Variants in ATL2 observed in about 807,000 individuals in gnomAD.
The protein encoded by ATL2 is atlastin-2.
In ATL2, 31 loss-of-function variants were observed where a neutral mutation model predicts 73.9. The observed-to-expected ratio is 0.42, with a 90% CI of 0.32 to 0.57. The LOEUF is 0.57. Among genes scored for constraint, ATL2 ranks in the 20% least tolerant of loss-of-function variants. The pLI, the probability that ATL2 is intolerant of heterozygous loss-of-function variation, is 0.14. For synonymous variants in ATL2, 291 were observed against 237.5 expected (o/e 1.23, Z -2.07); for missense variants, 738 against 702.6 (o/e 1.05, Z -0.57).
At chr2:38,352,263 G>A (rs1301643920) in intron 1 of ATL2, among the ~76,000 whole-genome samples, 3 of 151,866 alleles carry the variant, frequency 2.0e-5, no homozygotes, top group African/African-American at 7.3e-5. Flanking sequence ...GGGGAGGGAG[G>A]ATATTTGAGA....
At chr2:38,359,221 G>C (rs1670863745) in intron 1 of ATL2, among the ~76,000 whole-genome samples, 1 of 152,108 alleles carries the variant, frequency 6.6e-6, no homozygotes, top group African/African-American at 2.4e-5. Flanking sequence ...TGTAATCCTA[G>C]CACTTTGGGA....
intron 2 of ATL2, among the ~76,000 whole-genome samples, chr2:38,336,738 C>A (rs1442727913): frequency 6.6e-6 from 1 of 152,162 alleles, no homozygotes; most frequent in Non-Finnish European, 1.5e-5. Context: ...CTTCAACTAC[C>A]AAGTTGAAAT....
chr2:38,373,901 T>C (rs1306303660), intron 1 of ATL2, among the ~76,000 whole-genome samples: 1 of 152,194 alleles, frequency 6.6e-6, no homozygotes, highest in African/African-American at 2.4e-5. Flanking sequence ...GCTATCCTTT[T>C]TATGGGGGAG....
chr2:38,335,688 A>T (rs75333162), intron 2 of ATL2, among the ~76,000 whole-genome samples: 1,566 of 150,954 alleles, frequency 0.01, 22 homozygotes, highest in East Asian at 0.058. Flanking sequence ...TATATATATA[A>T]AAATGCACTG....
intron 2 of ATL2, among the ~76,000 whole-genome samples, chr2:38,325,906 T>TAAAAAAA (rs761254087): frequency 5.8e-5 from 3 of 52,026 alleles, no homozygotes; most frequent in African/African-American, 1.7e-4. Context: ...TTTGTTTGTT[T>TAAAAAAA]AAAAAAAAAA....
upstream of ATL2, among the ~76,000 whole-genome samples, chr2:38,377,691 C>G (rs1050918744): frequency 6.6e-6 from 1 of 152,170 alleles, no homozygotes; most frequent in Admixed American, 6.5e-5. Context: ...ATTCGTGCGT[C>G]CTGCACGTGA....
chr2:38,297,812 T>G (rs947209226), intron 12 of ATL2: 1 of 175,086 alleles, frequency 5.7e-6, no homozygotes, highest in African/African-American at 2.4e-5. Context: ...CTTCTTTTCC[T>G]TACCTTGAAA....
chr2:38,361,887 T>C (rs146498503), intron 1 of ATL2, among the ~76,000 whole-genome samples: 56 of 152,296 alleles, frequency 3.7e-4, no homozygotes, highest in African/African-American at 1.3e-3. Context: ...TTTTTAAAAA[T>C]TATTTAAGAT....
chr2:38,312,690 T>C (rs955139997), intron 7 of ATL2, among the ~76,000 whole-genome samples: 4 of 141,396 alleles, frequency 2.8e-5, no homozygotes, highest in South Asian at 2.2e-4. Context: ...GCCCAGGCAA[T>C]AGTGTGAGAC....
rs70954711 is a variant in ATL2, at chr2:38,329,423, C to CAAAA, written c.364-10408_364-10405dup. Among the ~76,000 whole-genome samples the CAAAA allele has an allele frequency of 1.4e-3, 19 of 13,672 alleles. 1 individual carries two copies. Among genetic ancestry groups the CAAAA allele is most frequent in the Non-Finnish European group, 2.0e-3 (13 of 6,412 alleles). 9.0% of individuals were successfully genotyped at this position (13,672 alleles called of 152,430 possible). A position where few individuals can be genotyped will look rare whatever the true frequency, so the allele number is the denominator to read the frequency against. On this transcript the variant is annotated intron_variant, in intron 2 of 12. Transcript: ENST00000378954. Reference sequence around the variant, plus strand: ...AGGAGACAGAGCAAGACTCCATCTCCAAAAAAAAAAAAAAAAAAAAAAAAA... The same window carrying CAAAA: ...AGGAGACAGAGCAAGACTCCATCTCCAAAAAAAAAAAAAAAAAAAAAAAAAAAAA...
At chr2:38,320,971 CT>C (rs1025949724) in intron 2 of ATL2, among the ~76,000 whole-genome samples, 1 of 150,004 alleles carries the variant, frequency 6.7e-6, no homozygotes, top group Non-Finnish European at 1.5e-5. Context: ...GTGAAACCCC[CT>C]CTCTACCAAA....
rs1046978101 is a variant in ATL2 at position 38,304,271 on chromosome 2, A to C, written c.1072-3943T>G. On this transcript the variant is annotated intron_variant, in intron 9 of 12. Transcript: ENST00000378954. ...TGACATAAAGTGCTGAAGAAAAAAA[A>C]CATTTTTCCTAGAATAGTATATCCA... Among the ~76,000 whole-genome samples, 4 of 152,260 alleles carry C rather than the reference A, an allele frequency of 2.6e-5. No homozygotes were observed. In the East Asian group the frequency reaches 5.8e-4, roughly 22 times the overall value.
At position 38,325,633 on chromosome 2, in the gene ATL2, CACACACACACACACACACACACACCAGT is replaced by C. The variant is rs1558411586; in HGVS notation, c.364-6642_364-6615del. ...CTACACACACACCAGTACATACACA[CACACACACACACACACACACACACCAGT>C]ACACACACACACACACACACACACA... On this transcript the variant is annotated intron_variant, in intron 2 of 12. Coordinates refer to ENST00000378954, the MANE Select transcript of ATL2 (RefSeq NM_001135673.4). 5.2e-4 allele frequency among the ~76,000 whole-genome samples: 37 copies of C among 71,668 alleles called. 4 individuals are homozygous for C. The highest frequency in any genetic ancestry group is 4.1e-3 in the African/African-American group (32 of 7,740). The allele number at this position is 71,668 out of a possible 152,430, so 47.0% of individuals were successfully genotyped here. A position where few individuals can be genotyped will look rare whatever the true frequency, so the allele number is the denominator to read the frequency against.
Position 38,377,100 on chromosome 2 carries a change from C to G in ATL2, c.118+43G>C, listed in dbSNP as rs1227931647. On this transcript the variant is annotated intron_variant, in intron 1 of 12. Transcript: ENST00000378954. ...CCGCGAGCCCGAGCAGCGAGCGTCT[C>G]TCCCCATCAGGGCCCCGCGGCCTCT... The G allele has an allele frequency of 1.9e-6, 3 of 1,579,560 alleles. No individual in the cohort carries two copies. In the Admixed American group the frequency reaches 5.1e-5, roughly 27 times the overall value.
chr2:38,370,219 C>T lies in ATL2; in HGVS notation c.118+6924G>A, dbSNP rs369148096. ...GTCGCTCACACCTGTAATCCCAGCA[C>T]TTTGGGGGCCGAGGTGGGTGGATCA... On this transcript the variant is annotated intron_variant, in intron 1 of 12. Coordinates refer to ENST00000378954, the MANE Select transcript of ATL2 (RefSeq NM_001135673.4). Among the ~76,000 whole-genome samples, 62 of 148,074 alleles carry T rather than the reference C, an allele frequency of 4.2e-4. 2 individuals are homozygous for T. The South Asian group carries it at 7.7e-3, about 18-fold the overall frequency.
chr2:38,323,002 T>C (rs1456730375), intron 2 of ATL2, among the ~76,000 whole-genome samples: 1 of 152,184 alleles, frequency 6.6e-6, no homozygotes, highest in South Asian at 2.1e-4. Context: ...TAAAATACAG[T>C]CATTCATTCA....
At chr2:38,300,671 G>C (rs1045238301) in intron 9 of ATL2, among the ~76,000 whole-genome samples, 3 of 151,770 alleles carry the variant, frequency 2.0e-5, no homozygotes, top group African/African-American at 7.3e-5. Context: ...TTTCTTTAGA[G>C]ATGGGGTCTC....
At chr2:38,305,486 T>A (rs936294061) in intron 9 of ATL2, among the ~76,000 whole-genome samples, 1 of 152,018 alleles carries the variant, frequency 6.6e-6, no homozygotes, top group African/African-American at 2.4e-5. Flanking sequence ...GAGGTAGAGG[T>A]TGCAGTGAGC....
intron 1 of ATL2, among the ~76,000 whole-genome samples, chr2:38,372,476 G>A (rs1332151306): frequency 6.6e-6 from 1 of 152,122 alleles, no homozygotes; most frequent in Non-Finnish European, 1.5e-5. Context: ...TGTCATCAGA[G>A]GGAGGTTCTG....
Sources: allele counts gnomAD v4.1 joint callset (sites outside exome capture counted in the v4.1 genomes callset), GRCh38; gene constraint gnomAD v4.1.1; transcripts MANE v1.5; gene names NCBI Gene and HGNC (gene_info 2026-07-23, HGNC 2026-07-21).